APLP2: variants seen among roughly 807,000 people sequenced by gnomAD.
APLP2 encodes CDEI box-binding protein.
A neutral mutation model predicts 89.9 loss-of-function variants in APLP2; 53 were observed. That is an observed-to-expected ratio of 0.59 (90% CI 0.47 to 0.74). APLP2 has a LOEUF of 0.74. APLP2 is among the 30% of genes least tolerant of loss of function. APLP2 has a pLI of 0.00. For missense variants in APLP2, 973 were observed against 975.9 expected (o/e 1.00, Z 0.04); for synonymous variants, 372 against 348.6 (o/e 1.07, Z -0.75).
At chr11:130,091,648 C>T (rs1945247578) in intron 1 of APLP2, among the ~76,000 whole-genome samples, 1 of 124,874 alleles carries the variant, frequency 8.0e-6, no homozygotes, top group South Asian at 2.6e-4. Context: ...AGGGGCTCCT[C>T]ACTTCCCAGT....
intron 3 of APLP2, among the ~76,000 whole-genome samples, chr11:130,120,423 A>G (rs555321739): frequency 1.6e-4 from 25 of 152,252 alleles, no homozygotes; most frequent in South Asian, 1.5e-3. Context: ...AGGTGATCCT[A>G]TTATATTCCC....
At chr11:130,104,972 T>C (rs1316197024) in intron 1 of APLP2, among the ~76,000 whole-genome samples, 1 of 152,208 alleles carries the variant, frequency 6.6e-6, no homozygotes, top group Non-Finnish European at 1.5e-5. Context: ...GCAAAACATA[T>C]GTCAGATGGT....
chr11:130,074,738 T>C (rs1390079040), intron 1 of APLP2, among the ~76,000 whole-genome samples: 1 of 152,232 alleles, frequency 6.6e-6, no homozygotes, highest in Non-Finnish European at 1.5e-5. Context: ...ATAGGTCATG[T>C]ACATAAATTT....
At chr11:130,117,231 G>C (rs1363547291) in intron 3 of APLP2, among the ~76,000 whole-genome samples, 1 of 152,208 alleles carries the variant, frequency 6.6e-6, no homozygotes, top group African/African-American at 2.4e-5. Context: ...TCATGGAATA[G>C]CTGAAGATTA....
chr11:130,115,195 T>C (rs1188504220), intron 3 of APLP2, among the ~76,000 whole-genome samples: 1 of 152,062 alleles, frequency 6.6e-6, no homozygotes. Context: ...ACTTTTGTAG[T>C]ATATTTATTA....
At chr11:130,095,733 A>G (rs1946107783) in intron 1 of APLP2, among the ~76,000 whole-genome samples, 1 of 152,202 alleles carries the variant, frequency 6.6e-6, no homozygotes, top group Non-Finnish European at 1.5e-5. Context: ...TTGTCATTTA[A>G]TTTGTCAACT....
chr11:130,143,465 C>T lies in APLP2; in HGVS notation c.*17C>T, dbSNP rs200830579. The stretch of plus-strand genomic sequence containing the variant: ...CAGATTTAGGTGGCAGGGAGCGCGG[C>T]AGCCCTGGCGGAGGGATGCAGGTGG... On this transcript the variant is annotated 3_prime_UTR_variant, in exon 17 of 17. Coordinates refer to ENST00000338167, the MANE Select transcript of APLP2 (RefSeq NM_001142276.2). 9 of 1,602,812 alleles carry T rather than the reference C, an allele frequency of 5.6e-6. No homozygotes were observed. In the East Asian group the frequency reaches 2.0e-4, roughly 36 times the overall value.
At chr11:130,119,307 A>G (rs1041640763) in intron 3 of APLP2, among the ~76,000 whole-genome samples, 1 of 152,208 alleles carries the variant, frequency 6.6e-6, no homozygotes, top group Non-Finnish European at 1.5e-5. Context: ...TGTGTGGAGC[A>G]CATGGCAGAC....
Position 130,130,101 on chromosome 11 carries a change from A to G in APLP2, c.1519A>G (p.Thr507Ala), listed in dbSNP as rs1161574057. The change falls in exon 11 of 17, where the codon ACC becomes GCC. Residue 507 changes from threonine to alanine, a missense_variant. By Grantham distance (58) the Thr-to-Ala change is moderately conservative (BLOSUM62 0). Coordinates refer to ENST00000338167, the MANE Select transcript of APLP2 (RefSeq NM_001142276.2). ...VRAENKDRLHTIRHYQHVLAV... is the reference protein window; with the variant it reads ...VRAENKDRLHAIRHYQHVLAV... ...TGCTGAGAACAAAGATCGCTTACAT[A>G]CCATCCGTCATTACCAGCATGTGTT... 3.7e-6 allele frequency: 6 copies of G among 1,614,120 alleles called. No homozygotes were observed. The East Asian group carries it at 6.7e-5, about 18-fold the overall frequency.
At position 130,135,755 on chromosome 11, in the gene APLP2, G is replaced by A. The variant is rs117174224; in HGVS notation, c.1837+40G>A. 4.8e-3 allele frequency: 7,654 copies of A among 1,606,810 alleles called. 25 individuals are homozygous for A. The highest frequency in any genetic ancestry group is 5.5e-3 in the Non-Finnish European group (6,516 of 1,175,250). ...CGGTGCCACTTCTGGGCAGCAGGGG[G>A]AGGACAAAATGAGAGAATTGAAGTC... On this transcript the variant is annotated intron_variant, in intron 13 of 16. Coordinates refer to ENST00000338167, the MANE Select transcript of APLP2 (RefSeq NM_001142276.2).
intron 1 of APLP2, among the ~76,000 whole-genome samples, chr11:130,095,636 G>A (rs1946095280): frequency 6.6e-6 from 1 of 152,252 alleles, no homozygotes; most frequent in Admixed American, 6.5e-5. Flanking sequence ...GCCTTGTACT[G>A]TGTGGCTTCT....
In APLP2 at chr11:130,087,835, A is replaced by T. The variant is rs1367359293; in HGVS notation, c.105+17753A>T. Among the ~76,000 whole-genome samples, 8 of 152,124 alleles carry T rather than the reference A, an allele frequency of 5.3e-5. No individual in the cohort carries two copies. The East Asian group carries it at 7.7e-4, about 15-fold the overall frequency. On this transcript the variant is annotated intron_variant, in intron 1 of 16. Coordinates refer to ENST00000338167, the MANE Select transcript of APLP2 (RefSeq NM_001142276.2). ...GATTAGCTTCCTCAGGATCTACATT[A>T]AAAAAAATCCTGCTGGGCTATTGTT...
intron 7 of APLP2, among the ~76,000 whole-genome samples, chr11:130,126,333 T>G (rs1319634631): frequency 1.3e-5 from 2 of 152,174 alleles, no homozygotes; most frequent in Non-Finnish European, 2.9e-5. Flanking sequence ...CTTGTCTCTG[T>G]TCAGATGCTC....
chr11:130,087,170 A>C (rs1944236108), intron 1 of APLP2, among the ~76,000 whole-genome samples: 1 of 152,176 alleles, frequency 6.6e-6, no homozygotes, highest in Non-Finnish European at 1.5e-5. Context: ...TTTGAGTGTA[A>C]GGTGTTTGGT....
chr11:130,095,126 C>T (rs1158734802), intron 1 of APLP2, among the ~76,000 whole-genome samples: 3 of 152,042 alleles, frequency 2.0e-5, no homozygotes, highest in East Asian at 3.9e-4. Context: ...AGACCAGATG[C>T]GTGGTTCACA....
intron 11 of APLP2, among the ~76,000 whole-genome samples, chr11:130,132,805 A>G (rs1408597971): frequency 6.6e-6 from 1 of 152,116 alleles, no homozygotes; most frequent in East Asian, 1.9e-4. Flanking sequence ...CATTTAAGCA[A>G]TTGCTTCACT....
At chr11:130,071,066 G>A (rs1940974473) in intron 1 of APLP2, among the ~76,000 whole-genome samples, 1 of 152,232 alleles carries the variant, frequency 6.6e-6, no homozygotes, top group African/African-American at 2.4e-5. Context: ...TGAACTGCTG[G>A]TCTGGAATGT....
chr11:130,074,436 A>G (rs1274707363), intron 1 of APLP2, among the ~76,000 whole-genome samples: 1 of 152,110 alleles, frequency 6.6e-6, no homozygotes. Context: ...GGCTGGTTCC[A>G]AACTTCTGAC....
chr11:130,089,026 C>G (rs1429732703), intron 1 of APLP2, among the ~76,000 whole-genome samples: 2 of 152,142 alleles, frequency 1.3e-5, no homozygotes, highest in East Asian at 3.9e-4. Context: ...CCACTCAAAA[C>G]TGAAGTTTAT....
Sources: allele counts gnomAD v4.1 joint callset (sites outside exome capture counted in the v4.1 genomes callset), GRCh38; gene constraint gnomAD v4.1.1; transcripts MANE v1.5; gene names NCBI Gene and HGNC (gene_info 2026-07-23, HGNC 2026-07-21).